Variants in ZNF790 observed in about 807,000 individuals in gnomAD.
The protein encoded by ZNF790 is zinc finger protein 790.
ZNF790 carries 8 observed loss-of-function variants against 12.1 expected under a neutral mutation model. The observed-to-expected ratio is 0.66, with a 90% CI of 0.39 to 1.19. The LOEUF is 1.19. Ranked by LOEUF, ZNF790 falls within the 50% of genes most tolerant of loss-of-function variation. The probability of loss-of-function intolerance (pLI) is 0.01; values close to 1 mark genes in which losing one functional copy is unlikely to be tolerated. For synonymous variants in ZNF790, 252 were observed against 244.3 expected, an observed-to-expected ratio of 1.03 and a Z score of -0.29; for missense variants, 707 against 752.2, an observed-to-expected ratio of 0.94 and a Z score of 0.70.
At chr19:36,845,425 A>G (rs1402694393) in intron 1 of ZNF790, among the ~76,000 whole-genome samples, 2 of 151,780 alleles carry the variant, frequency 1.3e-5, no homozygotes, top group Non-Finnish European at 2.9e-5. Flanking sequence ...AAAAAAAAAA[A>G]TTAGTAGGGA....
At chr19:36,823,992 CT>C (rs779735213) in intron 2 of ZNF790, among the ~76,000 whole-genome samples, 1,471 of 104,366 alleles carry the variant, frequency 0.014, 10 homozygotes, top group Middle Eastern at 0.034. Context: ...TCTACATGCT[CT>C]TTTTTTTTTT....
chr19:36,847,607 G>A (rs1163761871), intron 1 of ZNF790, among the ~76,000 whole-genome samples: 3 of 151,976 alleles, frequency 2.0e-5, no homozygotes, highest in African/African-American at 4.8e-5. Context: ...AAAATTAGCC[G>A]GGATTGGTGG....
chr19:36,828,595 G>C (rs75587767), intron 1 of ZNF790, among the ~76,000 whole-genome samples: 1 of 152,126 alleles, frequency 6.6e-6, no homozygotes, highest in Non-Finnish European at 1.5e-5. Flanking sequence ...TTCCACCTCA[G>C]TCTGCTGAAT....
intron 1 of ZNF790, among the ~76,000 whole-genome samples, chr19:36,849,463 TC>T (rs1422655218): frequency 6.6e-6 from 1 of 152,088 alleles, no homozygotes; most frequent in Non-Finnish European, 1.5e-5. Context: ...AAAAGGAAGT[TC>T]CCCTTTCACT....
chr19:36,844,305 T>A (rs2072156644), intron 1 of ZNF790, among the ~76,000 whole-genome samples: 1 of 149,234 alleles, frequency 6.7e-6, no homozygotes, highest in Non-Finnish European at 1.5e-5. Flanking sequence ...AGCAAGACCC[T>A]GTCTCAAAAA....
Position 36,818,793 on chromosome 19 carries a change from C to A in ZNF790, c.1551G>T (p.Trp517Cys). 6.2e-7 allele frequency: 1 copy of A among 1,610,404 alleles called. No homozygotes were observed. The highest frequency in any genetic ancestry group is 8.5e-7 in the Non-Finnish European group (1 of 1,178,370). Reference protein sequence around the residue: ...ECEECGKAFLWGSQLTRHQRM... With the variant: ...ECEECGKAFLCGSQLTRHQRM... ...TCTGATGTCGAGTAAGTTGTGAACC[C>A]CAGAGAAAGGCTTTTCCACATTCTT... Residue 517 changes from tryptophan (W) to cysteine (C), a missense_variant, in exon 5 of 5, where the codon TGG becomes TGT. Physicochemically the swap from Trp to Cys is radical, Grantham distance 215 (BLOSUM62 -2). Transcript: ENST00000356725.
At chr19:36,828,288 A>G (rs137997042) in intron 1 of ZNF790, among the ~76,000 whole-genome samples, 1,606 of 152,078 alleles carry the variant, frequency 0.011, 24 homozygotes, top group African/African-American at 0.035. Context: ...ACATGGACAA[A>G]CCTCGTCTTA....
chr19:36,849,381 AG>A (rs1319018505), intron 1 of ZNF790, among the ~76,000 whole-genome samples: 1 of 152,054 alleles, frequency 6.6e-6, no homozygotes, highest in African/African-American at 2.4e-5. Flanking sequence ...CCTTTCTGTC[AG>A]TTTTTTAATT....
At chr19:36,827,115 CAT>C (rs1568337966) in intron 1 of ZNF790, among the ~76,000 whole-genome samples, 13 of 93,256 alleles carry the variant, frequency 1.4e-4, no homozygotes, top group South Asian at 3.3e-4. Flanking sequence ...TATATATACA[CAT>C]ACACACACAC....
At chr19:36,843,302 G>A (rs1400304412), upstream of ZNF790, among the ~76,000 whole-genome samples, 1 of 152,186 alleles carries the variant, frequency 6.6e-6, no homozygotes, top group African/African-American at 2.4e-5. Flanking sequence ...TCTGAAACTG[G>A]TTGGGTCAGG....
At chr19:36,831,696 CA>C (rs1277866866) in intron 1 of ZNF790, among the ~76,000 whole-genome samples, 2 of 152,050 alleles carry the variant, frequency 1.3e-5, no homozygotes, top group Non-Finnish European at 2.9e-5. Context: ...ATCCAATATG[CA>C]AAACGCAGAG....
Position 36,818,828 on chromosome 19 carries a change from A to G in ZNF790, c.1516T>C (p.Tyr506His), listed in dbSNP as rs1568332428. ...HQKIHTGKRP[Y>H]ECEECGKAFL... The stretch of plus-strand genomic sequence containing the variant: ...GCTTTTCCACATTCTTCACATTCAT[A>G]TGGCCTCTTTCCAGTATGAATTTTC... Residue 506 changes from tyrosine (Y) to histidine (H), a missense_variant, in exon 5 of 5, where the codon TAT becomes CAT. Coordinates refer to ENST00000356725, the MANE Select transcript of ZNF790 (RefSeq NM_206894.4). 1 of 1,613,374 alleles carries G rather than the reference A, an allele frequency of 6.2e-7. No homozygotes were observed. The highest frequency in any genetic ancestry group is 8.5e-7 in the Non-Finnish European group (1 of 1,179,760).
In ZNF790 at chr19:36,825,947, CATTT is replaced by C. The variant is rs1431975384; in HGVS notation, c.-73-259_-73-256del. ...CTAAATTCATACATACCTACATTAACATTTATCCTCAAGCCGCCTATGAATGTCA... is the reference window on the plus strand; with the variant it reads ...CTAAATTCATACATACCTACATTAACATCCTCAAGCCGCCTATGAATGTCA... On this transcript the variant is annotated intron_variant, in intron 1 of 4. Transcript: ENST00000356725. Among the ~76,000 whole-genome samples, 6 of 152,128 alleles carry C rather than the reference CATTT, an allele frequency of 3.9e-5. No individual in the cohort carries two copies. The East Asian group carries it at 7.7e-4, about 20-fold the overall frequency.
At position 36,819,032 on chromosome 19, in the gene ZNF790, C is replaced by A; in HGVS notation, c.1312G>T (p.Ala438Ser). 6.2e-7 allele frequency: 1 copy of A among 1,613,982 alleles called. No individual in the cohort carries two copies. Among genetic ancestry groups the A allele is most frequent in the Non-Finnish European group, 8.5e-7 (1 of 1,179,984 alleles). ...TCATTGTGAATTTTCTCATGTTGAG[C>A]AAGATACGAAGCCCAAGTAAAAGTC... ...GKTFTWASYLAQHEKIHNERK... is the reference protein window; with the variant it reads ...GKTFTWASYLSQHEKIHNERK... Residue 438 changes from alanine to serine, a missense_variant, in exon 5 of 5, where the codon GCT becomes TCT. Coordinates refer to ENST00000356725, the MANE Select transcript of ZNF790 (RefSeq NM_206894.4).
chr19:36,818,546 G>A lies in ZNF790; in HGVS notation c.1798C>T (p.His600Tyr). The change falls in exon 5 of 5, where the codon CAT (histidine) becomes TAT (tyrosine). Residue 600 changes from histidine to tyrosine, a missense_variant. Coordinates refer to ENST00000356725, the MANE Select transcript of ZNF790 (RefSeq NM_206894.4). ...TGGTGTTGAGCAAAGTTTGACTCAT[G>A]ACTAAAGGTGTTCCCATAGTCTGTC... ...EWTDYGNTFS[H>Y]ESNFAQHQNI... 2 of 1,607,738 alleles carry A rather than the reference G, an allele frequency of 1.2e-6. No individual in the cohort carries two copies.
intron 4 of ZNF790, among the ~76,000 whole-genome samples, chr19:36,823,027 T>G (rs2071710585): frequency 1.3e-5 from 2 of 151,860 alleles, no homozygotes; most frequent in African/African-American, 2.4e-5. Context: ...TTTTTTGTAT[T>G]TTTTTGTTTT....
rs753200438 is a variant in ZNF790 at position 36,819,161 on chromosome 19, T to TAA, written c.1182_1183insTT (p.Lys395LeufsTer259). 6.2e-7 allele frequency: 1 copy of TAA among 1,613,684 alleles called. No homozygotes were observed. ...TAGGCTTTCCCACATTTCTCACATT[T>TAA]ATAAGGTTTCCTACCAACATGAACA... On this transcript the variant is annotated frameshift_variant, in exon 5 of 5. Coordinates refer to ENST00000356725, the MANE Select transcript of ZNF790 (RefSeq NM_206894.4). LOFTEE classifies it low-confidence loss of function (END_TRUNC).
chr19:36,820,671 A>G (rs954464325), intron 4 of ZNF790, among the ~76,000 whole-genome samples: 6 of 152,186 alleles, frequency 3.9e-5, no homozygotes, highest in Non-Finnish European at 7.3e-5. Context: ...GGAAAGGCTG[A>G]GGCAGATGGA....
intron 1 of ZNF790, among the ~76,000 whole-genome samples, chr19:36,844,089 G>A (rs1480237069): frequency 1.3e-5 from 2 of 151,708 alleles, no homozygotes; most frequent in Non-Finnish European, 2.9e-5. Context: ...GGGAATGCCT[G>A]GGTGGATTGC....
Sources: allele counts gnomAD v4.1 joint callset (sites outside exome capture counted in the v4.1 genomes callset), GRCh38; gene constraint gnomAD v4.1.1; transcripts MANE v1.5; gene names NCBI Gene and HGNC (gene_info 2026-07-23, HGNC 2026-07-21).